Variants in TNS3 observed in about 807,000 individuals in gnomAD.
The protein encoded by TNS3 is tensin-3.
A neutral mutation model predicts 140.9 loss-of-function variants in TNS3; 45 were observed. The ratio of observed to expected loss-of-function variants is 0.32; its 90% CI spans 0.25 to 0.41. The LOEUF (loss-of-function observed/expected upper bound fraction) is 0.41, where lower values mean the gene tolerates loss of function less well. Among genes scored for constraint, TNS3 ranks in the 10% least tolerant of loss-of-function variants. The probability of loss-of-function intolerance (pLI) is 1.00; values close to 1 mark genes in which losing one functional copy is unlikely to be tolerated. For synonymous variants in TNS3, 815 were observed against 788.4 expected (o/e 1.03, Z -0.56); for missense variants, 1,716 against 1,906.7 (o/e 0.90, Z 1.86).
intron 16 of TNS3, among the ~76,000 whole-genome samples, chr7:47,383,372 T>A (rs577001376): frequency 6.6e-6 from 1 of 152,304 alleles, no homozygotes; most frequent in East Asian, 1.9e-4. Flanking sequence ...AGCTTCGTGG[T>A]TGCCAGGGGC....
intron 2 of TNS3, among the ~76,000 whole-genome samples, chr7:47,508,274 T>G (rs899731765): frequency 6.6e-6 from 1 of 152,254 alleles, no homozygotes; most frequent in Non-Finnish European, 1.5e-5. Flanking sequence ...TATCTTTGTA[T>G]GATCTATATT....
At chr7:47,336,071 A>AT in intron 20 of TNS3, among the ~76,000 whole-genome samples, 1 of 152,252 alleles carries the variant, frequency 6.6e-6, no homozygotes, top group East Asian at 1.9e-4. Flanking sequence ...TGGGACTAGA[A>AT]TCCAAATGCT....
intron 12 of TNS3, among the ~76,000 whole-genome samples, chr7:47,413,510 C>T (rs374008181): frequency 1.3e-5 from 2 of 151,716 alleles, no homozygotes; most frequent in Admixed American, 6.6e-5. Context: ...GAGGCCGAGA[C>T]GGGTAGATCA....
At chr7:47,307,996 T>A (rs1786858553) in intron 20 of TNS3, among the ~76,000 whole-genome samples, 1 of 152,236 alleles carries the variant, frequency 6.6e-6, no homozygotes, top group Non-Finnish European at 1.5e-5. Context: ...TGTTTGGTGT[T>A]GTATCTAAAA....
intron 4 of TNS3, among the ~76,000 whole-genome samples, chr7:47,478,128 C>T (rs775535553): frequency 7.2e-5 from 11 of 152,206 alleles, no homozygotes; most frequent in East Asian, 1.9e-4. Context: ...CCTGACTGCA[C>T]GCCCACGGGC....
At chr7:47,383,241 G>A (rs1265677843) in intron 16 of TNS3, among the ~76,000 whole-genome samples, 1 of 152,234 alleles carries the variant, frequency 6.6e-6, no homozygotes, top group South Asian at 2.1e-4. Flanking sequence ...TGAAAGGATG[G>A]AGCGTAACAG....
chr7:47,376,758 C>T (rs1019566212), intron 16 of TNS3, among the ~76,000 whole-genome samples: 3 of 151,966 alleles, frequency 2.0e-5, no homozygotes, highest in African/African-American at 7.3e-5. Flanking sequence ...CACACACAAA[C>T]TCATATACAC....
intron 3 of TNS3, among the ~76,000 whole-genome samples, chr7:47,505,891 G>C (rs1161167229): frequency 2.0e-5 from 3 of 152,268 alleles, no homozygotes; most frequent in East Asian, 3.9e-4. Flanking sequence ...GGGAGGGTCG[G>C]GGAAACCAGC....
chr7:47,417,543 C>A (rs1056881977), intron 10 of TNS3, among the ~76,000 whole-genome samples: 1 of 152,226 alleles, frequency 6.6e-6, no homozygotes, highest in South Asian at 2.1e-4. Context: ...TCTCAACAGT[C>A]ATCACCTCCC....
intron 1 of TNS3, among the ~76,000 whole-genome samples, chr7:47,542,190 A>G (rs1053305668): frequency 6.6e-6 from 1 of 152,232 alleles, no homozygotes; most frequent in Non-Finnish European, 1.5e-5. Flanking sequence ...TAAGTCAACA[A>G]CAGAGAAAGC....
chr7:47,470,062 C>A (rs1162636558), intron 4 of TNS3, among the ~76,000 whole-genome samples: 1 of 150,972 alleles, frequency 6.6e-6, no homozygotes, highest in Non-Finnish European at 1.5e-5. Context: ...ATGTCCTTTG[C>A]AGCAACATAG....
chr7:47,300,559 G>T (rs183594143), intron 23 of TNS3, among the ~76,000 whole-genome samples: 28 of 152,356 alleles, frequency 1.8e-4, no homozygotes, highest in Admixed American at 1.5e-3. Context: ...GAGGAAGCCA[G>T]CAGTGCACTC....
chr7:47,354,840 C>T (rs971889207), intron 17 of TNS3, among the ~76,000 whole-genome samples: 2 of 152,136 alleles, frequency 1.3e-5, no homozygotes, highest in African/African-American at 4.8e-5. Context: ...CATTGTCCAC[C>T]AAAACATGAC....
chr7:47,349,607 T>A (rs1423511109), intron 17 of TNS3, among the ~76,000 whole-genome samples: 3 of 152,228 alleles, frequency 2.0e-5, no homozygotes, highest in African/African-American at 7.2e-5. Flanking sequence ...GGGTCCTGCT[T>A]TCCATTCCCA....
chr7:47,465,589 T>C (rs183112321), intron 4 of TNS3, among the ~76,000 whole-genome samples: 22 of 152,248 alleles, frequency 1.4e-4, no homozygotes, highest in African/African-American at 4.6e-4. Context: ...AAGCTAACCC[T>C]AGATATCACA....
chr7:47,405,490 A>G lies in TNS3; in HGVS notation c.724-4576T>C, dbSNP rs1793393915. ...CAAAGACTTAAGTCAGGCAGGGCCAACACTAACCATGATTTCTTCACTTGG... is the reference window on the plus strand; with the variant it reads ...CAAAGACTTAAGTCAGGCAGGGCCAGCACTAACCATGATTTCTTCACTTGG... On this transcript the variant is annotated intron_variant, in intron 13 of 30. Coordinates refer to ENST00000311160, the MANE Select transcript of TNS3 (RefSeq NM_022748.12). The G allele has an allele frequency of 7.1e-6, 5 of 702,896 alleles. No individual in the cohort carries two copies. The South Asian group carries it at 7.4e-5, about 10-fold the overall frequency. The allele number at this position is 702,896 out of a possible 1,614,324, so 43.5% of individuals were successfully genotyped here. A position where few individuals can be genotyped will look rare whatever the true frequency, so the allele number is the denominator to read the frequency against.
chr7:47,498,102 T>C (rs1798080070), intron 3 of TNS3, among the ~76,000 whole-genome samples: 1 of 152,204 alleles, frequency 6.6e-6, no homozygotes, highest in South Asian at 2.1e-4. Context: ...TCTCAAGTAA[T>C]GGAGGTTCTG....
chr7:47,391,024 T>G (rs192432365), intron 16 of TNS3, among the ~76,000 whole-genome samples: 1 of 152,296 alleles, frequency 6.6e-6, no homozygotes, highest in Non-Finnish European at 1.5e-5. Flanking sequence ...GAAAGGAAGC[T>G]GACATTCCCC....
intron 1 of TNS3, among the ~76,000 whole-genome samples, chr7:47,573,049 G>A (rs1048642171): frequency 6.6e-6 from 1 of 152,264 alleles, no homozygotes; most frequent in Admixed American, 6.5e-5. Context: ...TGTGGCCCAG[G>A]CTTGGGAAAA....
Sources: gnomAD v4.1 joint callset for allele counts (sites outside exome capture counted in the v4.1 genomes callset) on GRCh38, gnomAD v4.1.1 for gene constraint, MANE v1.5 for transcripts, NCBI Gene and HGNC (gene_info 2026-07-23, HGNC 2026-07-21) for gene names.